The following SAMD12 variants were observed in gnomAD, a reference collection of about 807,000 sequenced individuals.
SAMD12 encodes the protein sterile alpha motif domain containing 12, also known as sterile alpha motif domain-containing protein 12.
Under a neutral mutation model 15.0 loss-of-function variants are expected in SAMD12, and 9 were observed. The ratio of observed to expected loss-of-function variants is 0.60; its 90% confidence interval spans 0.36 to 1.05. SAMD12 has a LOEUF of 1.05. Among genes scored for constraint, SAMD12 ranks in the 50% least tolerant of loss-of-function variants. SAMD12 has a pLI of 0.01. For missense variants in SAMD12, 230 were observed against 234.2 expected, an observed-to-expected ratio of 0.98 and a Z score of 0.12; for synonymous variants, 86 against 90.1, an observed-to-expected ratio of 0.96 and a Z score of 0.25.
At chr8:118,218,614 C>A (rs950440877) in intron 4 of SAMD12, among the ~76,000 whole-genome samples, 1 of 138,472 alleles carries the variant, frequency 7.2e-6, no homozygotes, top group Non-Finnish European at 1.5e-5. Flanking sequence ...TAAGCAAGAA[C>A]GTGTGGTATT....
intron 2 of SAMD12, among the ~76,000 whole-genome samples, chr8:118,441,274 T>C (rs577432232): frequency 3.6e-4 from 55 of 152,340 alleles, no homozygotes; most frequent in African/African-American, 1.3e-3. Context: ...TAAATTTTAT[T>C]TTCTGTGGCA....
intron 4 of SAMD12, among the ~76,000 whole-genome samples, chr8:118,260,162 A>T (rs1813045091): frequency 6.6e-6 from 1 of 152,060 alleles, no homozygotes; most frequent in African/African-American, 2.4e-5. Context: ...GTCTCACAAA[A>T]TCCCAAACCC....
chr8:118,352,597 T>C (rs191477967), intron 4 of SAMD12, among the ~76,000 whole-genome samples: 100 of 152,282 alleles, frequency 6.6e-4, no homozygotes, highest in African/African-American at 2.2e-3. Flanking sequence ...AGAGACCAAA[T>C]GTAACAGACA....
At chr8:118,582,505 T>G (rs954247308) in intron 1 of SAMD12, among the ~76,000 whole-genome samples, 1 of 152,226 alleles carries the variant, frequency 6.6e-6, no homozygotes, top group Non-Finnish European at 1.5e-5. Flanking sequence ...ATGTGGACAT[T>G]ATTTATGAAT....
At position 118,383,978 on chromosome 8, in the gene SAMD12, GTCA is replaced by G. The variant is rs529569591; in HGVS notation, c.323-4281_323-4279del. ...AGAGACAGACATATGATCCCAGATA[GTCA>G]TAAGTGCTCTGAAGAAAAAGCAGAA... is the stretch of plus-strand genomic sequence containing the variant. On this transcript the variant is annotated intron_variant, in intron 3 of 3. Transcript: ENST00000314727. Among the ~76,000 whole-genome samples the G allele has an allele frequency of 2.8e-3, 425 of 152,094 alleles. 4 individuals are homozygous for G. Among genetic ancestry groups the G allele is most frequent in the African/African-American group, 9.7e-3 (404 of 41,502 alleles).
At chr8:118,222,757 A>C (rs62532663) in intron 4 of SAMD12, among the ~76,000 whole-genome samples, 2,107 of 152,246 alleles carry the variant, frequency 0.014, 21 homozygotes, top group Non-Finnish European at 0.02. Flanking sequence ...CACCCACCTC[A>C]GCCTCCCAAA....
rs370994186 is a variant in SAMD12, at chr8:118,552,287, C to T, written c.192+28428G>A. On this transcript the variant is annotated intron_variant, in intron 2 of 3. Transcript: ENST00000314727. ...GATGCAAAAATCCTCAATAAAATAC[C>T]GGCAAACCGAATCCAGCAGCACATC... Among the ~76,000 whole-genome samples, 74 of 152,048 alleles carry T rather than the reference C, an allele frequency of 4.9e-4. 1 individual carries two copies. Among genetic ancestry groups the T allele is most frequent in the Middle Eastern group, 3.4e-3 (1 of 294 alleles).
intron 2 of SAMD12, among the ~76,000 whole-genome samples, chr8:118,486,399 G>C (rs1824286100): frequency 6.8e-6 from 1 of 146,268 alleles, no homozygotes; most frequent in African/African-American, 2.6e-5. Context: ...CTGGGTGACA[G>C]AGAGAGAATC....
intron 4 of SAMD12, among the ~76,000 whole-genome samples, chr8:118,355,805 C>G (rs16890890): frequency 6.6e-6 from 1 of 152,200 alleles, no homozygotes; most frequent in African/African-American, 2.4e-5. Context: ...ACCCACTAAA[C>G]TTGTTCACAA....
intron 4 of SAMD12, among the ~76,000 whole-genome samples, chr8:118,327,054 G>A (rs769376108): frequency 5.9e-5 from 9 of 152,144 alleles, no homozygotes; most frequent in African/African-American, 1.9e-4. Flanking sequence ...GCACTACTAC[G>A]TCAGAGATTT....
At chr8:118,342,786 A>G (rs6469739) in intron 4 of SAMD12, among the ~76,000 whole-genome samples, 51,696 of 151,670 alleles carry the variant, frequency 0.34, 11,498 homozygotes, top group African/African-American at 0.64. Context: ...TTACTCTAGA[A>G]GTTTCTGATA....
chr8:118,196,334 A>G (rs1819561781), exon 5 of SAMD12: 1 of 152,226 alleles, frequency 6.6e-6, no homozygotes. Flanking sequence ...GTGGGCACAC[A>G]GAACATACTT....
intron 2 of SAMD12, among the ~76,000 whole-genome samples, chr8:118,461,764 T>C (rs1419597663): frequency 1.3e-5 from 2 of 152,206 alleles, no homozygotes; most frequent in East Asian, 1.9e-4. Flanking sequence ...AAAACAATCA[T>C]TGAGTTTTCA....
the SAMD12 span, among the ~76,000 whole-genome samples, chr8:118,179,108 C>T: frequency 9.3e-4 from 142 of 152,222 alleles, 1 homozygote; most frequent in East Asian, 0.023. Context: ...TGGGGAGTGT[C>T]AATAATTTCT....
intron 2 of SAMD12, among the ~76,000 whole-genome samples, chr8:118,473,803 C>T (rs1823879164): frequency 1.3e-5 from 2 of 152,144 alleles, no homozygotes; most frequent in Non-Finnish European, 1.5e-5. Flanking sequence ...TGACATGGCA[C>T]ACTCTCTAGA....
At chr8:118,506,374 A>G (rs920087974) in intron 2 of SAMD12, among the ~76,000 whole-genome samples, 4 of 152,196 alleles carry the variant, frequency 2.6e-5, no homozygotes, top group Admixed American at 6.5e-5. Flanking sequence ...TAAGTAAAAC[A>G]TCTCATGAAT....
chr8:118,187,213 T>G (rs1819257644), downstream of SAMD12, among the ~76,000 whole-genome samples: 1 of 152,226 alleles, frequency 6.6e-6, no homozygotes, highest in Non-Finnish European at 1.5e-5. Context: ...ATTTCCCCAG[T>G]GCTACACAAA....
intron 4 of SAMD12, among the ~76,000 whole-genome samples, chr8:118,358,362 T>C (rs545710456): frequency 1.3e-5 from 2 of 152,312 alleles, no homozygotes; most frequent in African/African-American, 4.8e-5. Context: ...CTTAGCAGTA[T>C]GTAAGTTGTA....
At chr8:118,335,011 A>G (rs1251308909) in intron 4 of SAMD12, among the ~76,000 whole-genome samples, 1 of 152,122 alleles carries the variant, frequency 6.6e-6, no homozygotes, top group Non-Finnish European at 1.5e-5. Flanking sequence ...AGTTCCAGTT[A>G]ACTTTACTGT....
Sources: allele counts gnomAD v4.1 joint callset (sites outside exome capture counted in the v4.1 genomes callset), GRCh38; gene constraint gnomAD v4.1.1; transcripts MANE v1.5; gene names NCBI Gene and HGNC (gene_info 2026-07-23, HGNC 2026-07-21).